DAB1: variants seen among roughly 807,000 people sequenced by gnomAD.
DAB1 encodes the protein disabled homolog 1.
DAB1 carries 15 observed loss-of-function variants against 64.6 expected under a neutral mutation model. The ratio of observed to expected loss-of-function variants is 0.23; its 90% confidence interval spans 0.16 to 0.36. DAB1 has a LOEUF of 0.36. DAB1 is among the 10% of genes least tolerant of loss of function. The probability of loss-of-function intolerance (pLI) is 1.00; values close to 1 mark genes in which losing one functional copy is unlikely to be tolerated. For missense variants in DAB1, 596 were observed against 706.7 expected (o/e 0.84, Z 1.78); for synonymous variants, 235 against 251.9 (o/e 0.93, Z 0.64).
chr1:58,355,018 A>C (rs751344422), intron 3 of DAB1, among the ~76,000 whole-genome samples: 2 of 152,132 alleles, frequency 1.3e-5, no homozygotes, highest in African/African-American at 4.8e-5. Context: ...GAATCTATAC[A>C]TTTATTTCCT....
intron 1 of DAB1, among the ~76,000 whole-genome samples, chr1:57,827,570 A>T (rs376236652): frequency 6.6e-6 from 1 of 152,198 alleles, no homozygotes; most frequent in South Asian, 2.1e-4. Flanking sequence ...ACACAGTGCC[A>T]GGAGTGCCAG....
At chr1:57,017,611 A>G (rs1319458863) in intron 11 of DAB1, among the ~76,000 whole-genome samples, 1 of 152,196 alleles carries the variant, frequency 6.6e-6, no homozygotes, top group Non-Finnish European at 1.5e-5. Flanking sequence ...CACCAACAGG[A>G]CACCTGGGCT....
At chr1:57,649,929 T>C (rs966995913) in intron 6 of DAB1, among the ~76,000 whole-genome samples, 1 of 152,072 alleles carries the variant, frequency 6.6e-6, no homozygotes, top group Non-Finnish European at 1.5e-5. Context: ...CTGAGATACA[T>C]ACATATGCAC....
At chr1:57,568,624 A>G (rs1645153221) in intron 7 of DAB1, among the ~76,000 whole-genome samples, 1 of 152,236 alleles carries the variant, frequency 6.6e-6, no homozygotes, top group South Asian at 2.1e-4. Context: ...AAAGGTATGA[A>G]CAGACATGTC....
intron 7 of DAB1, among the ~76,000 whole-genome samples, chr1:57,540,730 A>G (rs552184937): frequency 3.9e-5 from 6 of 152,300 alleles, no homozygotes; most frequent in African/African-American, 1.2e-4. Flanking sequence ...GACAAATATC[A>G]CAAGTTCTCA....
Position 57,193,168 on chromosome 1 carries a change from T to G in DAB1, c.68-47739A>C, listed in dbSNP as rs145741605. Among the ~76,000 whole-genome samples the G allele has an allele frequency of 6.1e-3, 927 of 152,150 alleles. 16 individuals are homozygous for G. Among genetic ancestry groups the G allele is most frequent in the African/African-American group, 0.021 (889 of 41,522 alleles). On this transcript the variant is annotated intron_variant, in intron 2 of 14. Coordinates refer to ENST00000371236, the MANE Select transcript of DAB1 (RefSeq NM_001365792.1). ...AGAGATGTCCTGAACTTCTTCCTCC[T>G]GTCTAACTGAAATTCTGTGCCCTTG...
intron 2 of DAB1, among the ~76,000 whole-genome samples, chr1:57,198,659 A>ACG (rs1664839151): frequency 7.5e-6 from 1 of 132,696 alleles, no homozygotes; most frequent in Non-Finnish European, 1.5e-5. Flanking sequence ...TCACACACAC[A>ACG]CACACACACA....
At chr1:58,004,574 C>T (rs1160314897) in intron 5 of DAB1, among the ~76,000 whole-genome samples, 3 of 152,154 alleles carry the variant, frequency 2.0e-5, no homozygotes, top group African/African-American at 7.2e-5. Flanking sequence ...CACAGCTCCT[C>T]CTAGCCAAGT....
At chr1:57,854,810 G>C (rs1653681916) in intron 1 of DAB1, among the ~76,000 whole-genome samples, 1 of 152,164 alleles carries the variant, frequency 6.6e-6, no homozygotes. Flanking sequence ...GCCAGAGACA[G>C]GGAATTTAAA....
At chr1:58,128,094 TG>T (rs1378933209) in intron 5 of DAB1, among the ~76,000 whole-genome samples, 4 of 152,010 alleles carry the variant, frequency 2.6e-5, no homozygotes, top group Non-Finnish European at 5.9e-5. Context: ...CCCATGAGCA[TG>T]GAATGTTCTT....
At chr1:57,479,478 ACT>A (rs2101233395) in intron 7 of DAB1, among the ~76,000 whole-genome samples, 2 of 150,212 alleles carry the variant, frequency 1.3e-5, no homozygotes, top group East Asian at 3.9e-4. Context: ...AATATATAAA[ACT>A]CTGTGTTCTA....
chr1:58,253,384 A>G (rs1378452787), intron 4 of DAB1, among the ~76,000 whole-genome samples: 1 of 152,220 alleles, frequency 6.6e-6, no homozygotes, highest in Non-Finnish European at 1.5e-5. Context: ...TAAAGCCCTG[A>G]GTCATGGCAT....
intron 4 of DAB1, among the ~76,000 whole-genome samples, chr1:58,195,073 G>A (rs747141217): frequency 1.3e-5 from 2 of 152,124 alleles, no homozygotes; most frequent in African/African-American, 4.8e-5. Flanking sequence ...TTGCTAGTGG[G>A]AGAGATAAGA....
intron 7 of DAB1, among the ~76,000 whole-genome samples, chr1:57,618,673 T>C (rs1361405384): frequency 6.6e-6 from 1 of 152,166 alleles, no homozygotes; most frequent in Non-Finnish European, 1.5e-5. Flanking sequence ...TCAGGCAGCC[T>C]TTCCGGAGCC....
intron 1 of DAB1, among the ~76,000 whole-genome samples, chr1:57,365,857 T>C (rs936034776): frequency 6.6e-6 from 1 of 152,216 alleles, no homozygotes; most frequent in African/African-American, 2.4e-5. Context: ...TTCTAGTGTG[T>C]CTTGCTAAAT....
intron 1 of DAB1, among the ~76,000 whole-genome samples, chr1:57,341,994 G>T (rs914255004): frequency 2.6e-5 from 4 of 152,178 alleles, no homozygotes; most frequent in Non-Finnish European, 4.4e-5. Flanking sequence ...TGTATTCCAT[G>T]ACTTACCATA....
chr1:57,819,464 T>C (rs950125681), intron 6 of DAB1, among the ~76,000 whole-genome samples: 3 of 152,036 alleles, frequency 2.0e-5, no homozygotes, highest in African/African-American at 7.2e-5. Context: ...ATTTAAGGAG[T>C]GGGTGGAGGA....
intron 7 of DAB1, among the ~76,000 whole-genome samples, chr1:57,613,057 A>G (rs1645747764): frequency 6.6e-6 from 1 of 152,218 alleles, no homozygotes; most frequent in African/African-American, 2.4e-5. Context: ...AGGAAGTAGC[A>G]TACATTTGTC....
intron 6 of DAB1, among the ~76,000 whole-genome samples, chr1:57,790,213 T>G (rs1650529746): frequency 6.6e-6 from 1 of 152,184 alleles, no homozygotes; most frequent in Non-Finnish European, 1.5e-5. Context: ...GGGAGGGACC[T>G]AGCAGGAGGC....
Sources: allele counts gnomAD v4.1 joint callset (sites outside exome capture counted in the v4.1 genomes callset), GRCh38; gene constraint gnomAD v4.1.1; transcripts MANE v1.5; gene names NCBI Gene and HGNC (gene_info 2026-07-23, HGNC 2026-07-21).